Variants in RBFOX1 observed in about 807,000 individuals in gnomAD.
RBFOX1 encodes the protein RNA binding fox-1 homolog 1, also known as RNA binding protein fox-1 homolog 1.
A neutral mutation model predicts 57.7 loss-of-function variants in RBFOX1; 8 were observed. The ratio of observed to expected loss-of-function variants is 0.14; its 90% CI spans 0.08 to 0.25. RBFOX1 has a LOEUF of 0.25. Among genes scored for constraint, RBFOX1 ranks in the 10% least tolerant of loss-of-function variants. RBFOX1 has a pLI of 1.00. For synonymous variants in RBFOX1, 326 were observed against 222.4 expected, an observed-to-expected ratio of 1.47 and a Z score of -4.15; for missense variants, 611 against 548.5, an observed-to-expected ratio of 1.11 and a Z score of -1.14.
intron 4 of RBFOX1, among the ~76,000 whole-genome samples, chr16:7,397,961 C>G (rs8058703): frequency 7.2e-5 from 11 of 152,100 alleles, no homozygotes; most frequent in Admixed American, 1.3e-4. Context: ...ACAATGCAAG[C>G]TTTATGTTAT....
intron 2 of RBFOX1, among the ~76,000 whole-genome samples, chr16:5,516,679 A>G (rs2043804205): frequency 2.0e-5 from 3 of 152,100 alleles, no homozygotes. Flanking sequence ...CCCATATGTC[A>G]TGGGCAGGAC....
intron 4 of RBFOX1, among the ~76,000 whole-genome samples, chr16:7,094,318 A>G (rs2061340870): frequency 6.6e-6 from 1 of 152,136 alleles, no homozygotes; most frequent in African/African-American, 2.4e-5. Flanking sequence ...TTTGACCACT[A>G]AGGAACATGA....
intron 1 of RBFOX1, among the ~76,000 whole-genome samples, chr16:6,311,097 C>T (rs985773866): frequency 1.3e-5 from 2 of 151,816 alleles, no homozygotes; most frequent in Non-Finnish European, 2.9e-5. Flanking sequence ...GAGTTCAAGA[C>T]CAGCCTGGCC....
At chr16:5,378,496 G>A (rs972002571) in intron 1 of RBFOX1, among the ~76,000 whole-genome samples, 6 of 151,584 alleles carry the variant, frequency 4.0e-5, no homozygotes, top group South Asian at 2.1e-4. Flanking sequence ...GAGCTTAAGC[G>A]TCAGTATTAA....
At chr16:6,380,102 G>T (rs2152914449) in intron 2 of RBFOX1, among the ~76,000 whole-genome samples, 1 of 152,210 alleles carries the variant, frequency 6.6e-6, no homozygotes, top group Middle Eastern at 3.4e-3. Context: ...TTTCTCCTCT[G>T]AGGTAGGAGG....
chr16:6,920,968 G>A (rs1567886165), intron 3 of RBFOX1, among the ~76,000 whole-genome samples: 1 of 152,154 alleles, frequency 6.6e-6, no homozygotes, highest in Non-Finnish European at 1.5e-5. Context: ...ATCAGAGAAT[G>A]GATTCTATAG....
chr16:6,679,776 T>A (rs1011182821), intron 3 of RBFOX1, among the ~76,000 whole-genome samples: 3 of 152,082 alleles, frequency 2.0e-5, no homozygotes, highest in African/African-American at 7.2e-5. Flanking sequence ...TTCCCTTCCT[T>A]TCTGTTTTCA....
intron 3 of RBFOX1, among the ~76,000 whole-genome samples, chr16:6,728,691 A>T (rs1419088315): frequency 6.6e-6 from 1 of 152,178 alleles, no homozygotes; most frequent in Non-Finnish European, 1.5e-5. Flanking sequence ...TTGGGTTTTC[A>T]TGACAGTCAA....
chr16:6,318,129 C>A (rs1314290570), intron 2 of RBFOX1, among the ~76,000 whole-genome samples: 2 of 151,726 alleles, frequency 1.3e-5, no homozygotes, highest in Non-Finnish European at 2.9e-5. Flanking sequence ...GGGAAGGAGG[C>A]AGAGATAGAA....
At chr16:5,663,274 G>A (rs185186263) in intron 3 of RBFOX1, among the ~76,000 whole-genome samples, 4 of 152,110 alleles carry the variant, frequency 2.6e-5, no homozygotes, top group East Asian at 3.9e-4. Flanking sequence ...GCAGTGGCAC[G>A]AACATGGCTC....
intron 3 of RBFOX1, among the ~76,000 whole-genome samples, chr16:5,750,954 C>A (rs867797373): frequency 6.6e-6 from 1 of 152,196 alleles, no homozygotes; most frequent in East Asian, 1.9e-4. Context: ...GCGTTGCTCA[C>A]GCTGGGAGCT....
chr16:5,910,124 C>T (rs1234936120), intron 4 of RBFOX1, among the ~76,000 whole-genome samples: 1 of 152,000 alleles, frequency 6.6e-6, no homozygotes, highest in African/African-American at 2.4e-5. Flanking sequence ...CTCCACCAAC[C>T]TGCTCAGAGG....
chr16:6,011,788 C>G (rs748339030), intron 4 of RBFOX1, among the ~76,000 whole-genome samples: 4 of 152,100 alleles, frequency 2.6e-5, no homozygotes, highest in Admixed American at 6.5e-5. Context: ...TGAGGACTTG[C>G]GCTTACTCTC....
chr16:7,096,624 A>G (rs1301556710), intron 4 of RBFOX1, among the ~76,000 whole-genome samples: 1 of 152,068 alleles, frequency 6.6e-6, no homozygotes, highest in Non-Finnish European at 1.5e-5. Flanking sequence ...CTAGGAGTGG[A>G]CTTAGCCCCA....
At chr16:7,409,059 G>C (rs569368010) in intron 4 of RBFOX1, among the ~76,000 whole-genome samples, 1 of 152,314 alleles carries the variant, frequency 6.6e-6, no homozygotes, top group South Asian at 2.1e-4. Flanking sequence ...GCAAAGACGA[G>C]ATTGCCTTGA....
intron 2 of RBFOX1, among the ~76,000 whole-genome samples, chr16:6,553,687 A>G (rs2097035612): frequency 1.3e-5 from 2 of 152,176 alleles, no homozygotes; most frequent in South Asian, 4.1e-4. Flanking sequence ...ATTTGTTTTA[A>G]GGATGGGCCA....
intron 14 of RBFOX1, among the ~76,000 whole-genome samples, chr16:7,686,224 T>C (rs1240778517): frequency 6.6e-6 from 1 of 151,992 alleles, no homozygotes; most frequent in African/African-American, 2.4e-5. Flanking sequence ...GAAACGGGTT[T>C]TATGAGTTAG....
chr16:7,281,829 C>T (rs1458482634), intron 4 of RBFOX1, among the ~76,000 whole-genome samples: 11 of 152,070 alleles, frequency 7.2e-5, no homozygotes, highest in Admixed American at 6.6e-4. Context: ...CTCTCTTTTC[C>T]TCCCTGCCTT....
intron 3 of RBFOX1, among the ~76,000 whole-genome samples, chr16:6,784,665 C>G (rs990736738): frequency 1.3e-5 from 2 of 151,486 alleles, no homozygotes; most frequent in Non-Finnish European, 2.9e-5. Flanking sequence ...TAGATGTTCT[C>G]CTTGCATGAG....
Sources: allele counts gnomAD v4.1 joint callset (sites outside exome capture counted in the v4.1 genomes callset), GRCh38; gene constraint gnomAD v4.1.1; transcripts MANE v1.5; gene names NCBI Gene and HGNC (gene_info 2026-07-23, HGNC 2026-07-21).